The following VWA3A variants were observed in gnomAD, a reference collection of about 807,000 sequenced individuals.
VWA3A encodes von Willebrand factor A domain containing 3A.
In VWA3A, 134 loss-of-function variants were observed where a neutral mutation model predicts 160.4. That is an observed-to-expected ratio of 0.84 (90% CI 0.73 to 0.96). The LOEUF (loss-of-function observed/expected upper bound fraction) is 0.96. Ranked by LOEUF, VWA3A falls within the 40% of genes least tolerant of loss-of-function variation. The pLI is 0.00. For synonymous variants in VWA3A, 476 were observed against 543.4 expected (o/e 0.88, Z 1.72); for missense variants, 1,310 against 1,447.9 (o/e 0.90, Z 1.55).
chr16:22,150,256 C>T (rs1598110727), intron 29 of VWA3A, among the ~76,000 whole-genome samples: 1 of 152,222 alleles, frequency 6.6e-6, no homozygotes, highest in Non-Finnish European at 1.5e-5. Flanking sequence ...AAAAGATTAG[C>T]CGGGCGTGGT....
rs1196856728 is a variant in VWA3A, at chr16:22,144,230, T to C, written c.2593-17T>C. ...TCTGAATTGCCTAAGATAATAGTTCTTTCCTTTATTCTAAAGTGGGTGGCA... is the reference window on the plus strand; with the variant it reads ...TCTGAATTGCCTAAGATAATAGTTCCTTCCTTTATTCTAAAGTGGGTGGCA... On this transcript the variant is annotated splice_polypyrimidine_tract_variant and intron_variant, in intron 25 of 33. Transcript: ENST00000389398. The C allele has an allele frequency of 6.2e-6, 10 of 1,603,476 alleles. No homozygotes were observed. Among genetic ancestry groups the C allele is most frequent in the Non-Finnish European group, 8.5e-6 (10 of 1,175,650 alleles).
At chr16:22,146,642 G>T (rs902166086) in intron 27 of VWA3A, among the ~76,000 whole-genome samples, 3 of 152,114 alleles carry the variant, frequency 2.0e-5, no homozygotes, top group Non-Finnish European at 4.4e-5. Context: ...AAATTAGCCA[G>T]GCATGGTGGC....
In VWA3A at chr16:22,103,536, G is replaced by A. The variant is rs1471243831; in HGVS notation, c.483+7G>A. On this transcript the variant is annotated splice_region_variant and intron_variant, in intron 6 of 33. Transcript: ENST00000389398. The stretch of plus-strand genomic sequence containing the variant: ...CACAGAAAACAGCAAGAAGGTAACG[G>A]GCATAGATTTCATTCTTTGCCCCCT... The A allele has an allele frequency of 1.9e-6, 3 of 1,551,622 alleles. No individual in the cohort carries two copies. In the Admixed American group the frequency reaches 5.9e-5, roughly 30 times the overall value.
At chr16:22,147,798 C>T (rs2046280640) in intron 27 of VWA3A, among the ~76,000 whole-genome samples, 1 of 152,180 alleles carries the variant, frequency 6.6e-6, no homozygotes, top group Admixed American at 6.5e-5. Flanking sequence ...CCAGTACACA[C>T]CCAAACACCA....
At chr16:22,147,687 G>A in intron 27 of VWA3A, 1 of 702,026 alleles carries the variant, frequency 1.4e-6, no homozygotes, top group Non-Finnish European at 2.6e-6. Flanking sequence ...GAGAAGGCGT[G>A]AGCCTCTCTC....
Position 22,092,557 on chromosome 16 carries a change from C to G in VWA3A, c.-81C>G. 6.5e-7 allele frequency: 1 copy of G among 1,531,454 alleles called. No individual in the cohort carries two copies. Among genetic ancestry groups the G allele is most frequent in the Non-Finnish European group, 8.8e-7 (1 of 1,133,188 alleles). The allele number at this position is 1,531,454 out of a possible 1,614,324, so 94.9% of individuals were successfully genotyped here. Reference sequence around the variant, plus strand: ...TTCGCTGCTGAGTTGCTTGGAGGAGCTTGGAGAAACCAGAAGTGAGATCCA... The same window carrying G: ...TTCGCTGCTGAGTTGCTTGGAGGAGGTTGGAGAAACCAGAAGTGAGATCCA... On this transcript the variant is annotated 5_prime_UTR_variant, in exon 1 of 34. Transcript: ENST00000389398.
At chr16:22,120,047 A>C (rs2045707054) in intron 12 of VWA3A, among the ~76,000 whole-genome samples, 1 of 152,046 alleles carries the variant, frequency 6.6e-6, no homozygotes, top group African/African-American at 2.4e-5. Flanking sequence ...GTTCTCATTT[A>C]TTAAGTCCTC....
Position 22,121,073 on chromosome 16 carries a change from G to A in VWA3A, c.1222G>A (p.Ala408Thr), listed in dbSNP as rs1468576793. The stretch of plus-strand genomic sequence containing the variant: ...GTTTCCAAACTTGGACAAGACTTCT[G>A]CAGAGTGGCTTAAGGTCAATGGTCT... The part of the protein sequence containing the change: ...IEFPNLDKTS[A>T]EWLKVNGLKA... Residue 408 changes from alanine to threonine, a missense_variant, in exon 13 of 34, where the codon GCA (alanine) becomes ACA (threonine). Transcript: ENST00000389398. The A allele has an allele frequency of 6.2e-7, 1 of 1,613,950 alleles. No homozygotes were observed. Among genetic ancestry groups the A allele is most frequent in the Non-Finnish European group, 8.5e-7 (1 of 1,179,892 alleles).
At position 22,141,704 on chromosome 16, in the gene VWA3A, G is replaced by A; in HGVS notation, c.2494+12G>A. ...AGGGAATGACGTGGGTAAGTTAGAGGCTATACAGGTGTCTGGACAGCCCCC... is the reference window on the plus strand; with the variant it reads ...AGGGAATGACGTGGGTAAGTTAGAGACTATACAGGTGTCTGGACAGCCCCC... On this transcript the variant is annotated intron_variant, in intron 24 of 33. Transcript: ENST00000389398. The A allele has an allele frequency of 6.3e-7, 1 of 1,598,354 alleles. No homozygotes were observed. Among genetic ancestry groups the A allele is most frequent in the Non-Finnish European group, 8.5e-7 (1 of 1,172,308 alleles).
intron 30 of VWA3A, among the ~76,000 whole-genome samples, 157 bp from the exon 31 acceptor site, chr16:22,152,354 G>A (rs2046363859): frequency 6.6e-6 from 1 of 152,144 alleles, no homozygotes; most frequent in Admixed American, 6.5e-5. Context: ...TGGGGAAAGT[G>A]TCCTCTAATG....
At chr16:22,112,636 T>C (rs1339511065) in intron 8 of VWA3A, among the ~76,000 whole-genome samples, 1 of 152,174 alleles carries the variant, frequency 6.6e-6, no homozygotes, top group East Asian at 1.9e-4. Context: ...GGAGGTTTGA[T>C]TGAACCTGAG....
intron 9 of VWA3A, among the ~76,000 whole-genome samples, chr16:22,115,920 A>AGGAAG (rs2045630778): frequency 6.3e-5 from 2 of 31,606 alleles, no homozygotes; most frequent in Non-Finnish European, 8.7e-5. Context: ...GAAGGAAGGA[A>AGGAAG]GGAAAGGAAA....
chr16:22,110,923 G>A lies in VWA3A; in HGVS notation c.618G>A (p.Lys206=), dbSNP rs2045544151. Residue 206 remains lysine (K), a synonymous_variant, in exon 8 of 34, where the codon AAG becomes AAA. Transcript: ENST00000389398. ...LIDEQLSHKE[K]LFVLSFGTNA... Reference sequence around the variant, plus strand: ...ATGAGCAGCTGAGCCACAAGGAGAAGCTGTTTGTCCTGTCCTTTGGCACCA... The same window carrying A: ...ATGAGCAGCTGAGCCACAAGGAGAAACTGTTTGTCCTGTCCTTTGGCACCA... 1 of 1,610,316 alleles carries A rather than the reference G, an allele frequency of 6.2e-7. No individual in the cohort carries two copies. The highest frequency in any genetic ancestry group is 8.5e-7 in the Non-Finnish European group (1 of 1,178,500).
At chr16:22,126,334 C>T (rs2045850083) in intron 17 of VWA3A, 37 bp downstream of exon 17, 12 of 1,595,484 alleles carry the variant, frequency 7.5e-6, no homozygotes, top group Non-Finnish European at 1.0e-5. Flanking sequence ...AAGGGTGGGT[C>T]GTGTGTGTTT....
In VWA3A at chr16:22,150,785, C is replaced by T; in HGVS notation, c.3220C>T (p.Gln1074Ter). 1 of 1,613,274 alleles carries T rather than the reference C, an allele frequency of 6.2e-7. No homozygotes were observed. Among genetic ancestry groups the T allele is most frequent in the Non-Finnish European group, 8.5e-7 (1 of 1,179,598 alleles). Residue 1074 changes from glutamine (Q) to a stop codon, truncating the protein, a stop_gained, in exon 30 of 34, where the codon CAA (glutamine) becomes TAA (stop). Transcript: ENST00000389398. LOFTEE classifies it high-confidence loss of function. ...CTGCAGCCTTGTCCTAAATGAAGTC[C>T]AAAAACTCAGGGAGAAAAGAGATGT... ...TSCSLVLNEV[Q>*]KLREKRDVKV...
intron 31 of VWA3A, among the ~76,000 whole-genome samples, chr16:22,153,398 C>T (rs2046383810): frequency 1.3e-5 from 2 of 152,096 alleles, no homozygotes; most frequent in African/African-American, 2.4e-5. Context: ...ATAGCTAGAG[C>T]CCCAAGACAC....
intron 33 of VWA3A, 55 bp downstream of exon 33, chr16:22,155,971 G>A (rs1448721953): frequency 2.4e-5 from 38 of 1,562,378 alleles, no homozygotes; most frequent in Admixed American, 3.5e-5. Context: ...GCACCAAGTG[G>A]CATGCTCTAT....
intron 22 of VWA3A, among the ~76,000 whole-genome samples, chr16:22,139,482 T>C (rs1598095392): frequency 6.6e-6 from 1 of 151,988 alleles, no homozygotes. Flanking sequence ...GATCATGAGG[T>C]CAAGAGATCA....
chr16:22,139,433 C>T (rs2046103284), intron 22 of VWA3A, among the ~76,000 whole-genome samples: 1 of 152,176 alleles, frequency 6.6e-6, no homozygotes, highest in African/African-American at 2.4e-5. Context: ...CAGTGGCTCA[C>T]ACCTGTAATC....
Sources: allele counts gnomAD v4.1 joint callset (sites outside exome capture counted in the v4.1 genomes callset), GRCh38; gene constraint gnomAD v4.1.1; transcripts MANE v1.5; gene names NCBI Gene and HGNC (gene_info 2026-07-23, HGNC 2026-07-21).